BST1: variants seen among roughly 807,000 people sequenced by gnomAD.
The protein encoded by BST1 is bone marrow stromal cell antigen 1.
A neutral mutation model predicts 40.6 loss-of-function variants in BST1; 49 were observed. The ratio of observed to expected loss-of-function variants is 1.21; its 90% CI spans 0.96 to 1.53. The LOEUF (loss-of-function observed/expected upper bound fraction) is 1.53, where lower values mean the gene tolerates loss of function less well. Ranked by LOEUF, BST1 falls within the 40% of genes most tolerant of loss-of-function variation. The probability of loss-of-function intolerance (pLI) is 0.00; values close to 1 mark genes in which losing one functional copy is unlikely to be tolerated. For missense variants in BST1, 423 were observed against 395.9 expected (o/e 1.07, Z -0.58); for synonymous variants, 157 against 159.3 (o/e 0.99, Z 0.11).
At chr4:15,717,278 C>G (rs1430146718) in intron 6 of BST1, among the ~76,000 whole-genome samples, 1 of 152,090 alleles carries the variant, frequency 6.6e-6, no homozygotes, top group African/African-American at 2.4e-5. Context: ...CCTGGAATTC[C>G]ACTTCTGTAA....
At chr4:15,767,490 A>G in the BST1 span, among the ~76,000 whole-genome samples, 9 of 152,044 alleles carry the variant, frequency 5.9e-5, no homozygotes, top group South Asian at 1.9e-3. Flanking sequence ...TTTTTAGTAG[A>G]GACAGGGTTT....
the BST1 span, among the ~76,000 whole-genome samples, chr4:15,772,141 T>G: frequency 6.6e-6 from 1 of 152,172 alleles, no homozygotes; most frequent in Non-Finnish European, 1.5e-5. Context: ...CACGTGTGTT[T>G]ATCATATTTA....
intron 3 of BST1, among the ~76,000 whole-genome samples, chr4:15,710,126 C>T (rs1720110801): frequency 6.6e-6 from 1 of 152,018 alleles, no homozygotes; most frequent in Non-Finnish European, 1.5e-5. Flanking sequence ...CACACACCAC[C>T]ACACTAGGCT....
At chr4:15,743,574 A>G in the BST1 span, 1 of 356,448 alleles carries the variant, frequency 2.8e-6, no homozygotes, top group Non-Finnish European at 5.5e-6. Flanking sequence ...GATGGCACAA[A>G]GGGCCCAGCT....
the BST1 span, among the ~76,000 whole-genome samples, chr4:15,766,780 A>C: frequency 2.7e-5 from 3 of 110,208 alleles, 1 homozygote; most frequent in East Asian, 5.0e-4. Flanking sequence ...GGAGACAAAG[A>C]CCTCCCTAAA....
the BST1 span, among the ~76,000 whole-genome samples, chr4:15,758,453 G>A: frequency 1.3e-5 from 2 of 152,136 alleles, no homozygotes; most frequent in African/African-American, 4.8e-5. Flanking sequence ...ATTATCCTAA[G>A]CTACATCTTT....
chr4:15,747,373 C>T, the BST1 span, among the ~76,000 whole-genome samples: 1 of 152,002 alleles, frequency 6.6e-6, no homozygotes, highest in East Asian at 1.9e-4. Context: ...TTGCTGCCAC[C>T]AAGCCTCCAC....
At position 15,703,415 on chromosome 4, in the gene BST1, G is replaced by T. The variant is rs1719658062; in HGVS notation, c.188+83G>T. 4 of 1,455,100 alleles carry T rather than the reference G, an allele frequency of 2.7e-6. No homozygotes were observed. The South Asian group carries it at 5.4e-5, about 20-fold the overall frequency. 90.1% of individuals were successfully genotyped at this position (1,455,100 alleles called of 1,614,324 possible). A position where few individuals can be genotyped will look rare whatever the true frequency, so the allele number is the denominator to read the frequency against. On this transcript the variant is annotated intron_variant, in intron 1 of 8. Transcript: ENST00000265016. ...TGGGGAGGGGAAAACTGGCGCTAAAGTTCGGGGTGAGGGGGCAATGAGAGA... is the reference window on the plus strand; with the variant it reads ...TGGGGAGGGGAAAACTGGCGCTAAATTTCGGGGTGAGGGGGCAATGAGAGA...
chr4:15,715,855 T>C, intron 6 of BST1, 56 bp downstream of exon 6: 2 of 1,285,412 alleles, frequency 1.6e-6, no homozygotes, highest in East Asian at 2.6e-5. Flanking sequence ...TTCTTGTATA[T>C]AATATGATAA....
At chr4:15,704,371 G>A (rs946666166) in intron 1 of BST1, among the ~76,000 whole-genome samples, 3 of 148,226 alleles carry the variant, frequency 2.0e-5, no homozygotes, top group Non-Finnish European at 4.5e-5. Flanking sequence ...TTCTAGAAGT[G>A]AGAGGTGTGT....
chr4:15,752,266 T>G, the BST1 span, among the ~76,000 whole-genome samples: 11 of 152,132 alleles, frequency 7.2e-5, no homozygotes, highest in African/African-American at 2.7e-4. Flanking sequence ...TGATGCATGC[T>G]CCAGGAAATA....
At chr4:15,744,653 A>C in the BST1 span, among the ~76,000 whole-genome samples, 1 of 152,200 alleles carries the variant, frequency 6.6e-6, no homozygotes. Context: ...CCCTTTGGCC[A>C]ATATCATAAG....
the BST1 span, among the ~76,000 whole-genome samples, chr4:15,761,587 TG>T: frequency 1.3e-5 from 2 of 152,066 alleles, no homozygotes; most frequent in African/African-American, 4.8e-5. Context: ...AATGAGAATC[TG>T]GATGAAGTTG....
chr4:15,707,675 C>A, intron 3 of BST1, 29 bp downstream of exon 3: 1 of 1,611,130 alleles, frequency 6.2e-7, no homozygotes, highest in Non-Finnish European at 8.5e-7. Context: ...TCACAGGAGA[C>A]TTAAGAACTC....
At chr4:15,733,011 C>G (rs1231303584), downstream of BST1, among the ~76,000 whole-genome samples, 1 of 152,198 alleles carries the variant, frequency 6.6e-6, no homozygotes, top group Non-Finnish European at 1.5e-5. Context: ...GCAAGTGTTA[C>G]AGCTATTAAA....
chr4:15,703,889 G>T (rs1254610203), intron 1 of BST1, among the ~76,000 whole-genome samples: 10 of 133,790 alleles, frequency 7.5e-5, no homozygotes, highest in African/African-American at 2.8e-4. Context: ...AGGTGAAGGG[G>T]GTGTGTGTGC....
chr4:15,736,950 A>T (rs2148899841), downstream of BST1, among the ~76,000 whole-genome samples: 1 of 152,290 alleles, frequency 6.6e-6, no homozygotes, highest in Admixed American at 6.5e-5. Flanking sequence ...AAGACAAAGG[A>T]AATGGGGAGG....
chr4:15,747,648 A>G, the BST1 span, among the ~76,000 whole-genome samples: 2 of 152,158 alleles, frequency 1.3e-5, no homozygotes, highest in African/African-American at 2.4e-5. Context: ...TAGTAAATAA[A>G]TCTTATCTAG....
chr4:15,751,047 T>G, the BST1 span, among the ~76,000 whole-genome samples: 3 of 152,080 alleles, frequency 2.0e-5, no homozygotes, highest in Non-Finnish European at 4.4e-5. Context: ...ACAGTAACAT[T>G]TAATTGAGAA....
Sources: allele counts gnomAD v4.1 joint callset (sites outside exome capture counted in the v4.1 genomes callset), GRCh38; gene constraint gnomAD v4.1.1; transcripts MANE v1.5; gene names NCBI Gene and HGNC (gene_info 2026-07-23, HGNC 2026-07-21).